Variants in NTRK2 observed in about 807,000 individuals in gnomAD.
NTRK2 encodes the protein neurotrophic receptor tyrosine kinase 2.
Under a neutral mutation model 94.5 loss-of-function variants are expected in NTRK2, and 13 were observed. The ratio of observed to expected loss-of-function variants is 0.14; its 90% CI spans 0.09 to 0.22. The LOEUF (loss-of-function observed/expected upper bound fraction) is 0.22, where lower values mean the gene tolerates loss of function less well. Ranked by LOEUF, NTRK2 falls within the 10% of genes least tolerant of loss-of-function variation. The pLI is 1.00. For missense variants in NTRK2, 639 were observed against 1,071.2 expected (o/e 0.60, Z 5.63); for synonymous variants, 372 against 407.4 (o/e 0.91, Z 1.05).
intron 14 of NTRK2, among the ~76,000 whole-genome samples, chr9:84,899,612 G>A (rs1345521891): frequency 3.3e-5 from 5 of 152,172 alleles, no homozygotes; most frequent in Non-Finnish European, 5.9e-5. Flanking sequence ...TCAAGAATTG[G>A]AACCAGCTGA....
At chr9:84,853,553 T>A (rs574818082) in intron 12 of NTRK2, among the ~76,000 whole-genome samples, 9 of 152,382 alleles carry the variant, frequency 5.9e-5, no homozygotes, top group Middle Eastern at 3.4e-3. Context: ...ATTGGCATTT[T>A]CATTACATTT....
intron 14 of NTRK2, among the ~76,000 whole-genome samples, chr9:84,878,292 G>A (rs1268638849): frequency 6.6e-6 from 1 of 152,180 alleles, no homozygotes; most frequent in African/African-American, 2.4e-5. Context: ...TGTAAGGTGA[G>A]TGAGCTTAGT....
At chr9:85,009,499 C>T (rs1266887217) in intron 17 of NTRK2, among the ~76,000 whole-genome samples, 2 of 152,142 alleles carry the variant, frequency 1.3e-5, no homozygotes, top group East Asian at 1.9e-4. Flanking sequence ...GTTTCAACAT[C>T]GCAAAGCAGC....
intron 15 of NTRK2, among the ~76,000 whole-genome samples, chr9:84,947,891 G>T (rs956798205): frequency 6.6e-6 from 1 of 152,166 alleles, no homozygotes; most frequent in Non-Finnish European, 1.5e-5. Flanking sequence ...ATGCTCCTGG[G>T]CATCTTCACC....
At chr9:84,702,547 T>TA in intron 4 of NTRK2, 128 bp downstream of exon 4, 1 of 811,032 alleles carries the variant, frequency 1.2e-6, no homozygotes, top group Non-Finnish European at 2.1e-6. Flanking sequence ...TGATAATAGC[T>TA]TAGAAACATT....
At chr9:84,961,652 T>C (rs1006069951) in intron 17 of NTRK2, among the ~76,000 whole-genome samples, 3 of 152,252 alleles carry the variant, frequency 2.0e-5, no homozygotes, top group Admixed American at 2.0e-4. Flanking sequence ...ACAACTACTA[T>C]GTGCTAGATG....
chr9:84,989,283 C>T (rs1361197686), intron 17 of NTRK2, among the ~76,000 whole-genome samples: 2 of 152,166 alleles, frequency 1.3e-5, no homozygotes, highest in African/African-American at 4.8e-5. Context: ...TCTCAGTTGT[C>T]ACCACTTCAA....
Position 84,670,702 on chromosome 9 carries a change from C to G in NTRK2, c.-47C>G, listed in dbSNP as rs1189261278. 1.1e-5 allele frequency: 17 copies of G among 1,590,110 alleles called. No homozygotes were observed. Among genetic ancestry groups the G allele is most frequent in the Non-Finnish European group, 1.3e-5 (15 of 1,164,628 alleles). On this transcript the variant is annotated 5_prime_UTR_variant, in exon 2 of 19. Coordinates refer to ENST00000277120, the MANE Select transcript of NTRK2 (RefSeq NM_006180.6). ...CCCCGCACGGGTGGGGGAAAGCGGC[C>G]GGTGCAGCGCGGGGACAGGCACTCG...
At chr9:84,839,228 A>G (rs2074040426) in intron 12 of NTRK2, among the ~76,000 whole-genome samples, 1 of 152,206 alleles carries the variant, frequency 6.6e-6, no homozygotes, top group African/African-American at 2.4e-5. Flanking sequence ...CAGAAGAGTC[A>G]AATACACTTT....
At chr9:84,763,830 A>AT (rs58194416) in intron 12 of NTRK2, among the ~76,000 whole-genome samples, 8,304 of 145,440 alleles carry the variant, frequency 0.057, 279 homozygotes, top group Admixed American at 0.085. Flanking sequence ...CATGCGTTGC[A>AT]TTTTTTTTTT....
chr9:84,700,893 A>G (rs924828396), intron 2 of NTRK2, among the ~76,000 whole-genome samples: 2 of 152,192 alleles, frequency 1.3e-5, no homozygotes, highest in East Asian at 3.8e-4. Context: ...AGTGCAGTTC[A>G]TCTTTTCTCC....
chr9:84,876,655 AT>A, intron 14 of NTRK2: 4 of 1,058,846 alleles, frequency 3.8e-6, no homozygotes, highest in East Asian at 5.2e-5. Context: ...CCATCCTCCC[AT>A]TTTTTTCCAT....
intron 14 of NTRK2, among the ~76,000 whole-genome samples, chr9:84,897,913 C>T (rs901260625): frequency 1.3e-5 from 2 of 152,176 alleles, no homozygotes; most frequent in Admixed American, 6.5e-5. Context: ...TTCTTGTCTT[C>T]GTAGCCATGG....
chr9:84,873,491 C>A lies in NTRK2; in HGVS notation c.1633+6060C>A, dbSNP rs78028523. ...GGTCCCAATACAATTCCTTCCCCCT[C>A]TCAGTGCCACGGCCCCCCCATTGCT... On this transcript the variant is annotated intron_variant, in intron 14 of 18. Coordinates refer to ENST00000277120, the MANE Select transcript of NTRK2 (RefSeq NM_006180.6). The A allele has an allele frequency of 1.3e-3, 1,372 of 1,059,348 alleles. 30 individuals carry two copies. In the Admixed American group the frequency reaches 0.04, roughly 31 times the overall value. 65.6% of individuals were successfully genotyped at this position (1,059,348 alleles called of 1,614,324 possible).
chr9:84,707,317 G>A (rs2061166439), intron 4 of NTRK2, among the ~76,000 whole-genome samples: 1 of 152,098 alleles, frequency 6.6e-6, no homozygotes, highest in African/African-American at 2.4e-5. Flanking sequence ...CGGTTATTTA[G>A]ATCATATGTA....
chr9:84,856,488 T>G (rs189441526), intron 12 of NTRK2, among the ~76,000 whole-genome samples: 11 of 152,224 alleles, frequency 7.2e-5, no homozygotes, highest in Admixed American at 5.2e-4. Context: ...TTGCATTCAT[T>G]TTTTCTCACT....
intron 2 of NTRK2, among the ~76,000 whole-genome samples, chr9:84,687,850 G>C (rs139871824): frequency 1.3e-5 from 2 of 152,072 alleles, no homozygotes; most frequent in East Asian, 3.9e-4. Flanking sequence ...TATATGGTCT[G>C]TTTCAAGGGC....
chr9:84,890,050 G>A (rs971776240), intron 14 of NTRK2, among the ~76,000 whole-genome samples: 2 of 152,324 alleles, frequency 1.3e-5, no homozygotes, highest in Middle Eastern at 3.4e-3. Context: ...GCTTACATGA[G>A]TAAAATGAGG....
At chr9:84,701,517 G>C (rs1031829431) in intron 2 of NTRK2, among the ~76,000 whole-genome samples, 1 of 152,264 alleles carries the variant, frequency 6.6e-6, no homozygotes, top group South Asian at 2.1e-4. Flanking sequence ...CCCCTATATT[G>C]GAGGGCTTAG....
Sources: allele counts gnomAD v4.1 joint callset (sites outside exome capture counted in the v4.1 genomes callset), GRCh38; gene constraint gnomAD v4.1.1; transcripts MANE v1.5; gene names NCBI Gene and HGNC (gene_info 2026-07-23, HGNC 2026-07-21).